The following FGF12 variants were observed in gnomAD, a reference collection of about 807,000 sequenced individuals.
The protein encoded by FGF12 is fibroblast growth factor 12.
Under a neutral mutation model 23.6 loss-of-function variants are expected in FGF12, and 14 were observed. The observed-to-expected ratio is 0.59, with a 90% CI of 0.39 to 0.93. The LOEUF (loss-of-function observed/expected upper bound fraction) is 0.93, where lower values mean the gene tolerates loss of function less well. Among genes scored for constraint, FGF12 ranks in the 40% least tolerant of loss-of-function variants. The pLI, the probability that FGF12 is intolerant of heterozygous loss-of-function variation, is 0.00. For missense variants in FGF12, 175 were observed against 217.8 expected, an observed-to-expected ratio of 0.80 and a Z score of 1.24; for synonymous variants, 62 against 77.3, an observed-to-expected ratio of 0.80 and a Z score of 1.04.
At chr3:192,470,420 C>G (rs77806784) in intron 2 of FGF12, among the ~76,000 whole-genome samples, 2,272 of 152,272 alleles carry the variant, frequency 0.015, 61 homozygotes, top group African/African-American at 0.052. Flanking sequence ...CAGGTTCTCA[C>G]TCTGTCTGCC....
chr3:192,262,116 T>G lies in FGF12; in HGVS notation c.228+73245A>C, dbSNP rs186128252. Among the ~76,000 whole-genome samples, 175 of 152,260 alleles carry G rather than the reference T, an allele frequency of 1.1e-3. 3 individuals are homozygous for G. The highest frequency in any genetic ancestry group is 1.0e-4 in the Non-Finnish European group (7 of 68,008). On this transcript the variant is annotated intron_variant, in intron 4 of 5. Transcript: ENST00000445105. ...TTCACATTTATTTAAAACACAGCAA[T>G]TAGCTAACAAACCTTGGTGACAGAC...
At chr3:192,621,111 T>C (rs1368183032) in intron 2 of FGF12, among the ~76,000 whole-genome samples, 3 of 152,162 alleles carry the variant, frequency 2.0e-5, no homozygotes, top group South Asian at 2.1e-4. Flanking sequence ...TTTAAATCCA[T>C]TAAAAACCAT....
At chr3:192,293,649 A>T (rs142828615) in intron 4 of FGF12, among the ~76,000 whole-genome samples, 1 of 152,242 alleles carries the variant, frequency 6.6e-6, no homozygotes, top group East Asian at 1.9e-4. Context: ...AATTAATTAA[A>T]GATTTAGAGA....
At chr3:192,629,307 C>T (rs1715299291) in intron 2 of FGF12, among the ~76,000 whole-genome samples, 2 of 152,186 alleles carry the variant, frequency 1.3e-5, no homozygotes, top group South Asian at 4.1e-4. Context: ...GAAAGTTTTT[C>T]CCTTGTCCTG....
At chr3:192,354,663 A>T (rs1718383208) in intron 3 of FGF12, among the ~76,000 whole-genome samples, 1 of 152,202 alleles carries the variant, frequency 6.6e-6, no homozygotes, top group African/African-American at 2.4e-5. Flanking sequence ...ATTAAAATTT[A>T]CATTTTAAGG....
intron 2 of FGF12, among the ~76,000 whole-genome samples, chr3:192,397,127 T>G (rs982281825): frequency 7.2e-5 from 11 of 152,232 alleles, no homozygotes; most frequent in African/African-American, 2.7e-4. Flanking sequence ...GCAAGTTTCC[T>G]TCTTGGTCCT....
chr3:192,222,578 T>C (rs934586224), intron 4 of FGF12, among the ~76,000 whole-genome samples: 4 of 152,128 alleles, frequency 2.6e-5, no homozygotes, highest in Non-Finnish European at 5.9e-5. Context: ...AGATACCAAT[T>C]GAATTGTGAA....
chr3:192,291,196 T>C (rs949976173), intron 4 of FGF12, among the ~76,000 whole-genome samples: 1 of 152,360 alleles, frequency 6.6e-6, no homozygotes, highest in East Asian at 1.9e-4. Context: ...ATCTGATATA[T>C]GTGTATATAT....
rs139877221 is a variant in FGF12 at position 192,661,069 on chromosome 3, T to C, written c.13+66112A>G. ...CAAGTAAATACATGAAATGGTACGC[T>C]TGTTAAGGTTAGGGATGATGATAAG... On this transcript the variant is annotated intron_variant, in intron 2 of 5. Coordinates refer to ENST00000445105, the MANE Select transcript of FGF12 (RefSeq NM_004113.6). 3.5e-3 allele frequency among the ~76,000 whole-genome samples: 526 copies of C among 152,202 alleles called. 2 individuals are homozygous for C. The highest frequency in any genetic ancestry group is 0.012 in the African/African-American group (498 of 41,532).
intron 4 of FGF12, among the ~76,000 whole-genome samples, chr3:192,181,378 GACACACACACACAC>G (rs35246455): frequency 1.4e-5 from 2 of 147,212 alleles, no homozygotes; most frequent in East Asian, 4.0e-4. Context: ...CACACACACA[GACACACACACACAC>G]ACACACAGCA....
chr3:192,163,857 G>C (rs1036455298), intron 5 of FGF12, among the ~76,000 whole-genome samples: 1 of 151,280 alleles, frequency 6.6e-6, no homozygotes. Context: ...GTGTGTGTTA[G>C]TACTGTCTCC....
intron 4 of FGF12, among the ~76,000 whole-genome samples, chr3:192,307,436 A>C (rs1162284586): frequency 6.6e-6 from 1 of 152,202 alleles, no homozygotes; most frequent in Non-Finnish European, 1.5e-5. Flanking sequence ...AAAAGAAGCC[A>C]CTGATGTAGT....
chr3:192,281,544 A>T (rs1474649155), intron 4 of FGF12, among the ~76,000 whole-genome samples: 1 of 152,136 alleles, frequency 6.6e-6, no homozygotes, highest in Non-Finnish European at 1.5e-5. Context: ...GCCTGGCATT[A>T]AGTTGACATT....
In FGF12 at chr3:192,660,925, C is replaced by T. The variant is rs925313082; in HGVS notation, c.13+66256G>A. On this transcript the variant is annotated intron_variant, in intron 2 of 5. Coordinates refer to ENST00000445105, the MANE Select transcript of FGF12 (RefSeq NM_004113.6). ...AAAAAAAGCACAGGCTGGACACATG[C>T]TATAAAATTGAAATAAGGAAAAGTT... Among the ~76,000 whole-genome samples, 4 of 151,468 alleles carry T rather than the reference C, an allele frequency of 2.6e-5. No individual in the cohort carries two copies. The South Asian group carries it at 8.3e-4, about 32-fold the overall frequency.
At chr3:192,573,370 G>A (rs1712734075) in intron 2 of FGF12, among the ~76,000 whole-genome samples, 2 of 152,130 alleles carry the variant, frequency 1.3e-5, no homozygotes, top group African/African-American at 4.8e-5. Flanking sequence ...GTTTTTGGAT[G>A]AGATTAACAT....
intron 2 of FGF12, among the ~76,000 whole-genome samples, chr3:192,525,409 C>T (rs1724917940): frequency 6.6e-6 from 1 of 152,138 alleles, no homozygotes; most frequent in Admixed American, 6.5e-5. Flanking sequence ...GCCTTGTGAG[C>T]CATCCTAGAC....
At chr3:192,630,585 C>T (rs1715350294) in intron 2 of FGF12, among the ~76,000 whole-genome samples, 1 of 139,270 alleles carries the variant, frequency 7.2e-6, no homozygotes, top group South Asian at 2.2e-4. Context: ...TGGAGTCTTG[C>T]TCTGTCGCCC....
chr3:192,506,744 T>C (rs1053328895), intron 2 of FGF12, among the ~76,000 whole-genome samples: 7 of 152,162 alleles, frequency 4.6e-5, no homozygotes, highest in Non-Finnish European at 1.5e-5. Context: ...ATTCTATTTA[T>C]AATTTGCTAA....
chr3:192,337,963 T>G (rs568629662), intron 3 of FGF12, among the ~76,000 whole-genome samples: 12 of 152,340 alleles, frequency 7.9e-5, no homozygotes, highest in African/African-American at 2.9e-4. Context: ...TAATTGTATT[T>G]GATCCTCAAC....
Sources: gnomAD v4.1 joint callset for allele counts (sites outside exome capture counted in the v4.1 genomes callset) on GRCh38, gnomAD v4.1.1 for gene constraint, MANE v1.5 for transcripts, NCBI Gene and HGNC (gene_info 2026-07-23, HGNC 2026-07-21) for gene names.